RANBP17: variants seen among roughly 807,000 people sequenced by gnomAD.
RANBP17 encodes RAN binding protein 17.
A neutral mutation model predicts 141.2 loss-of-function variants in RANBP17; 158 were observed. The observed-to-expected ratio is 1.12, with a 90% CI of 0.98 to 1.28. RANBP17 has a LOEUF of 1.28. Among genes scored for constraint, RANBP17 ranks in the 50% most tolerant of loss-of-function variants. RANBP17 has a pLI of 0.00. For synonymous variants in RANBP17, 430 were observed against 450.0 expected (o/e 0.96, Z 0.56); for missense variants, 1,438 against 1,290.7 (o/e 1.11, Z -1.75).
At chr5:171,277,633 G>GTATATATATATATATATA (rs1767582267) in intron 25 of RANBP17, among the ~76,000 whole-genome samples, 1 of 19,618 alleles carries the variant, frequency 5.1e-5, no homozygotes, top group Non-Finnish European at 7.8e-5. Context: ...ATACATATAT[G>GTATATATATATATATATA]TATGTATATA....
chr5:171,064,027 T>G (rs1424038468), intron 14 of RANBP17, among the ~76,000 whole-genome samples: 4 of 152,230 alleles, frequency 2.6e-5, no homozygotes, highest in Non-Finnish European at 5.9e-5. Flanking sequence ...AGCGCAGTAT[T>G]AGTGTGGGAG....
chr5:171,165,486 GTATTAT>G (rs904650227), intron 14 of RANBP17, among the ~76,000 whole-genome samples: 6 of 151,884 alleles, frequency 4.0e-5, no homozygotes, highest in African/African-American at 1.5e-4. Context: ...CCTAAAGTAG[GTATTAT>G]TATTATTATT....
chr5:170,877,776 T>G (rs1768311082), intron 1 of RANBP17, among the ~76,000 whole-genome samples: 1 of 152,210 alleles, frequency 6.6e-6, no homozygotes, highest in Non-Finnish European at 1.5e-5. Context: ...CTAGTCTTTT[T>G]AAAATCTGAT....
chr5:171,235,510 A>G (rs1183834793), intron 22 of RANBP17, among the ~76,000 whole-genome samples: 5 of 152,186 alleles, frequency 3.3e-5, no homozygotes, highest in African/African-American at 1.2e-4. Flanking sequence ...ATTGACTTTT[A>G]CTAAAGACAG....
intron 5 of RANBP17, chr5:170,904,201 C>A: frequency 3.5e-6 from 1 of 285,760 alleles, no homozygotes. Context: ...CTCCTGTGGA[C>A]CATTTTTATT....
In RANBP17 at chr5:171,183,378, G is replaced by C. The variant is rs200863276; in HGVS notation, c.1986G>C (p.Arg662Ser). The change falls in exon 18 of 28, where the codon AGG becomes AGC. Residue 662 changes from arginine to serine, a missense_variant. Physicochemically the swap from Arg to Ser is moderately radical, Grantham distance 110. Coordinates refer to ENST00000523189, the MANE Select transcript of RANBP17 (RefSeq NM_022897.5). The part of the protein sequence containing the change: ...ISDNHSLSDF[R>S]CRTTFYTALT... ...ACAATCATAGTCTCAGCGACTTCAG[G>C]TGTCGAACAACCTTCTACACAGCGC... The C allele has an allele frequency of 1.1e-4, 174 of 1,613,914 alleles. No individual in the cohort carries two copies. Among genetic ancestry groups the C allele is most frequent in the Non-Finnish European group, 3.8e-5 (45 of 1,179,946 alleles).
intron 2 of RANBP17, among the ~76,000 whole-genome samples, chr5:170,880,287 T>G (rs1198896458): frequency 6.6e-6 from 1 of 152,230 alleles, no homozygotes; most frequent in African/African-American, 2.4e-5. Flanking sequence ...TGTCCACTCA[T>G]CAAGACTTAA....
intron 14 of RANBP17, among the ~76,000 whole-genome samples, chr5:171,042,330 A>G (rs972887509): frequency 6.6e-6 from 1 of 152,050 alleles, no homozygotes; most frequent in Non-Finnish European, 1.5e-5. Context: ...AACTAACAAT[A>G]TAATTAGGTC....
intron 5 of RANBP17, among the ~76,000 whole-genome samples, chr5:170,898,935 C>T (rs1241924206): frequency 1.3e-5 from 2 of 151,988 alleles, no homozygotes; most frequent in South Asian, 2.1e-4. Context: ...TTGTAGTATA[C>T]TCTGAAGTCA....
At chr5:171,265,921 A>G in intron 25 of RANBP17, 74 bp downstream of exon 25, 1 of 1,391,004 alleles carries the variant, frequency 7.2e-7, no homozygotes. Flanking sequence ...AATTTATCTT[A>G]GAGCAGCTGG....
chr5:171,284,005 G>T (rs558523807), intron 25 of RANBP17, among the ~76,000 whole-genome samples: 1 of 152,302 alleles, frequency 6.6e-6, no homozygotes, highest in South Asian at 2.1e-4. Context: ...CTGTTCTGTT[G>T]TGAAGTACGA....
intron 14 of RANBP17, among the ~76,000 whole-genome samples, chr5:171,021,631 G>A (rs1486323108): frequency 6.6e-6 from 1 of 152,140 alleles, no homozygotes. Flanking sequence ...GGTCATTTAT[G>A]TTCCTGTCTA....
At chr5:171,175,837 G>C (rs148732095) in intron 16 of RANBP17, among the ~76,000 whole-genome samples, 2 of 150,336 alleles carry the variant, frequency 1.3e-5, no homozygotes, top group Non-Finnish European at 3.0e-5. Context: ...ACTGTTAACC[G>C]CAACAGTTCT....
intron 5 of RANBP17, chr5:170,897,444 A>G (rs1003535154): frequency 2.1e-5 from 8 of 379,646 alleles, no homozygotes; most frequent in African/African-American, 1.7e-4. Flanking sequence ...TCTTGGATAC[A>G]TGTGCAGAAT....
chr5:170,931,953 G>A (rs1180518589), intron 12 of RANBP17, among the ~76,000 whole-genome samples: 2 of 152,124 alleles, frequency 1.3e-5, no homozygotes, highest in Non-Finnish European at 1.5e-5. Flanking sequence ...GAAAGTCAGT[G>A]GTAGCTTGAT....
At chr5:171,150,136 T>C (rs1581740704) in intron 14 of RANBP17, among the ~76,000 whole-genome samples, 2 of 152,220 alleles carry the variant, frequency 1.3e-5, no homozygotes, top group African/African-American at 4.8e-5. Flanking sequence ...TGTTAAAATC[T>C]TTGAAAGTAG....
chr5:171,075,923 A>T (rs749757769), intron 14 of RANBP17, among the ~76,000 whole-genome samples: 5 of 152,218 alleles, frequency 3.3e-5, no homozygotes, highest in Non-Finnish European at 5.9e-5. Context: ...ACTGCACTGC[A>T]GCCTGGGCGT....
chr5:171,074,116 G>A (rs1022936292), intron 14 of RANBP17, among the ~76,000 whole-genome samples: 1 of 152,118 alleles, frequency 6.6e-6, no homozygotes, highest in Non-Finnish European at 1.5e-5. Context: ...TTTATAGTTA[G>A]GAAATCAGTC....
chr5:171,055,444 T>G (rs949839192), intron 14 of RANBP17, among the ~76,000 whole-genome samples: 2 of 152,186 alleles, frequency 1.3e-5, no homozygotes, highest in Non-Finnish European at 2.9e-5. Flanking sequence ...TGATTTGTTC[T>G]CAAAATAAGA....
Sources: allele counts gnomAD v4.1 joint callset (sites outside exome capture counted in the v4.1 genomes callset), GRCh38; gene constraint gnomAD v4.1.1; transcripts MANE v1.5; gene names NCBI Gene and HGNC (gene_info 2026-07-23, HGNC 2026-07-21).